DOCK1: variants seen among roughly 807,000 people sequenced by gnomAD.
The protein encoded by DOCK1 is dedicator of cytokinesis 1.
A neutral mutation model predicts 262.7 loss-of-function variants in DOCK1; 138 were observed. The ratio of observed to expected loss-of-function variants is 0.53; its 90% CI spans 0.46 to 0.61. The LOEUF (loss-of-function observed/expected upper bound fraction) is 0.61, where lower values mean the gene tolerates loss of function less well. Among genes scored for constraint, DOCK1 ranks in the 20% least tolerant of loss-of-function variants. The pLI is 0.00. For synonymous variants in DOCK1, 866 were observed against 867.4 expected (o/e 1.00, Z 0.03); for missense variants, 1,908 against 2,370.7 (o/e 0.80, Z 4.05).
chr10:127,271,086 C>T (rs1471418400), intron 29 of DOCK1, among the ~76,000 whole-genome samples: 1 of 151,652 alleles, frequency 6.6e-6, no homozygotes, highest in African/African-American at 2.4e-5. Context: ...GGTCAGGTAT[C>T]TGTGCTGTAG....
intron 19 of DOCK1, among the ~76,000 whole-genome samples, chr10:127,040,038 T>A (rs2043915654): frequency 6.6e-6 from 1 of 152,070 alleles, no homozygotes; most frequent in Non-Finnish European, 1.5e-5. Context: ...TCCCTGTGGT[T>A]CTGTTTCTGT....
chr10:127,435,970 T>G (rs971403937), intron 48 of DOCK1, among the ~76,000 whole-genome samples: 8 of 152,194 alleles, frequency 5.3e-5, no homozygotes, highest in African/African-American at 9.7e-5. Context: ...ACAACCCGGG[T>G]CTTCTCCCTG....
intron 35 of DOCK1, among the ~76,000 whole-genome samples, 197 bp from the exon 36 acceptor site, chr10:127,379,885 G>A (rs910271411): frequency 6.6e-6 from 1 of 152,002 alleles, no homozygotes; most frequent in African/African-American, 2.4e-5. Flanking sequence ...ATGTAATTGT[G>A]TTTGACTAGC....
intron 33 of DOCK1, among the ~76,000 whole-genome samples, chr10:127,365,806 C>T (rs2064873337): frequency 6.6e-6 from 1 of 152,142 alleles, no homozygotes; most frequent in Non-Finnish European, 1.5e-5. Flanking sequence ...TCATTTTCTC[C>T]AGTTTGCAGG....
intron 32 of DOCK1, among the ~76,000 whole-genome samples, chr10:127,357,301 G>T (rs1462041832): frequency 2.6e-5 from 4 of 152,180 alleles, no homozygotes. Flanking sequence ...TAGTCCCTGA[G>T]ATTGATCACC....
chr10:127,448,499 G>A (rs886777009), intron 51 of DOCK1, among the ~76,000 whole-genome samples: 2 of 152,270 alleles, frequency 1.3e-5, no homozygotes, highest in African/African-American at 2.4e-5. Context: ...TCCTCATGTC[G>A]GGCCCAGGCA....
chr10:127,268,366 G>A (rs2060442524), intron 29 of DOCK1, among the ~76,000 whole-genome samples: 1 of 151,902 alleles, frequency 6.6e-6, no homozygotes, highest in Admixed American at 6.6e-5. Context: ...CAGGCATGGT[G>A]GCATGTGCAT....
chr10:127,159,069 A>G (rs1036421123), intron 27 of DOCK1, among the ~76,000 whole-genome samples: 7 of 152,170 alleles, frequency 4.6e-5, no homozygotes, highest in South Asian at 2.1e-4. Flanking sequence ...TGAACTGTTA[A>G]TAGGGAAGCT....
At chr10:127,365,290 A>C (rs1273275878) in intron 33 of DOCK1, among the ~76,000 whole-genome samples, 2 of 152,234 alleles carry the variant, frequency 1.3e-5, no homozygotes. Flanking sequence ...TTATAAATGT[A>C]ATTACGGATT....
At position 127,452,455 on chromosome 10, in the gene DOCK1, C is replaced by T. The variant is rs1378588924; in HGVS notation, c.*1028C>T. ...TTTTTTATTCACTATAATCATGATA[C>T]TCTTCTAATAGACTTAAAAGTTAAT... On this transcript the variant is annotated 3_prime_UTR_variant, in exon 52 of 52. Coordinates refer to ENST00000623213, the MANE Select transcript of DOCK1 (RefSeq NM_001290223.2). The T allele has an allele frequency of 2.0e-5, 3 of 152,622 alleles. No individual in the cohort carries two copies. Among genetic ancestry groups the T allele is most frequent in the East Asian group, 3.9e-4 (2 of 5,178 alleles). 9.5% of individuals were successfully genotyped at this position (152,622 alleles called of 1,614,324 possible).
At chr10:127,177,221 T>A (rs2055246063) in intron 27 of DOCK1, 1 of 151,906 alleles carries the variant, frequency 6.6e-6, no homozygotes, top group African/African-American at 2.4e-5. Context: ...ATGAAAACAA[T>A]GGTGGTGGTT....
chr10:127,366,069 C>G (rs1477428973), intron 33 of DOCK1, among the ~76,000 whole-genome samples: 1 of 152,040 alleles, frequency 6.6e-6, no homozygotes, highest in East Asian at 1.9e-4. Flanking sequence ...AAGCATAAGC[C>G]TGAAGACACA....
At chr10:126,981,837 C>T (rs971945749) in intron 3 of DOCK1, 81 bp from the exon 4 acceptor site, 7 of 1,449,852 alleles carry the variant, frequency 4.8e-6, no homozygotes, top group Non-Finnish European at 4.7e-6. Context: ...CCTCACCCCA[C>T]CTTTTTGGGA....
intron 25 of DOCK1, among the ~76,000 whole-genome samples, chr10:127,117,096 A>C (rs1218536135): frequency 6.6e-6 from 1 of 152,192 alleles, no homozygotes; most frequent in East Asian, 1.9e-4. Context: ...GAAATGACTT[A>C]TTGAATGTAG....
chr10:127,334,122 G>A (rs1343991406), intron 29 of DOCK1, among the ~76,000 whole-genome samples: 2 of 151,798 alleles, frequency 1.3e-5, no homozygotes, highest in East Asian at 3.9e-4. Flanking sequence ...CATTCATTGT[G>A]GAATGATTAA....
chr10:127,406,291 G>A lies in DOCK1; in HGVS notation c.4122+1862G>A, dbSNP rs75476484. ...GGGCAGTGCCGGGTGCGGAGGACAC[G>A]TTGCAGCTCCCGAGCCAATAGATGC... On this transcript the variant is annotated intron_variant, in intron 40 of 51. Transcript: ENST00000623213. 9.4e-3 allele frequency among the ~76,000 whole-genome samples: 1,428 copies of A among 152,268 alleles called. 20 individuals are homozygous for A. The highest frequency in any genetic ancestry group is 0.033 in the African/African-American group (1,358 of 41,550).
intron 38 of DOCK1, among the ~76,000 whole-genome samples, chr10:127,399,749 A>C (rs933293113): frequency 1.5e-5 from 2 of 136,828 alleles, no homozygotes; most frequent in African/African-American, 4.9e-5. Context: ...AAAAAAAATA[A>C]GAAGAAGAAT....
intron 38 of DOCK1, among the ~76,000 whole-genome samples, chr10:127,394,094 G>A (rs1381713149): frequency 6.6e-6 from 1 of 152,116 alleles, no homozygotes; most frequent in Non-Finnish European, 1.5e-5. Flanking sequence ...AAATTACCAG[G>A]CTTCTCTGTG....
At chr10:127,391,990 A>T (rs1472936575) in intron 38 of DOCK1, among the ~76,000 whole-genome samples, 1 of 151,960 alleles carries the variant, frequency 6.6e-6, no homozygotes, top group East Asian at 1.9e-4. Context: ...CCCTTAGAGT[A>T]GGAATCGAGC....
Sources: allele counts gnomAD v4.1 joint callset (sites outside exome capture counted in the v4.1 genomes callset), GRCh38; gene constraint gnomAD v4.1.1; transcripts MANE v1.5; gene names NCBI Gene and HGNC (gene_info 2026-07-23, HGNC 2026-07-21).